PCYT1A: variants seen among roughly 807,000 people sequenced by gnomAD.
PCYT1A encodes the protein phosphate cytidylyltransferase 1A, choline.
In PCYT1A, 25 loss-of-function variants were observed where a neutral mutation model predicts 43.7. The observed-to-expected ratio is 0.57, with a 90% CI of 0.42 to 0.80. The LOEUF (loss-of-function observed/expected upper bound fraction) is 0.80, where lower values mean the gene tolerates loss of function less well. PCYT1A is among the 30% of genes least tolerant of loss of function. The pLI, the probability that PCYT1A is intolerant of heterozygous loss-of-function variation, is 0.00. For missense variants in PCYT1A, 421 were observed against 474.2 expected, an observed-to-expected ratio of 0.89 and a Z score of 1.04; for synonymous variants, 172 against 170.7, an observed-to-expected ratio of 1.01 and a Z score of -0.06.
rs111517721 is a variant in PCYT1A at position 196,238,444 on chromosome 3, T to TG, written c.*243dup. 61,869 of 321,178 alleles carry TG rather than the reference T, an allele frequency of 0.19. 4,096 individuals are homozygous for TG. Among genetic ancestry groups the TG allele is most frequent in the Middle Eastern group, 0.27 (327 of 1,214 alleles). 19.9% of individuals were successfully genotyped at this position (321,178 alleles called of 1,614,324 possible). A position where few individuals can be genotyped will look rare whatever the true frequency, so the allele number is the denominator to read the frequency against. ...AACATAAACAGTGAAACAAAGCCCTTGGGGGGGGGTAAATGGATGCAGAGC... is the reference window on the plus strand; with the variant it reads ...AACATAAACAGTGAAACAAAGCCCTTGGGGGGGGGGTAAATGGATGCAGAGC... On this transcript the variant is annotated 3_prime_UTR_variant, in exon 9 of 9. Transcript: ENST00000431016.
intron 1 of PCYT1A, among the ~76,000 whole-genome samples, chr3:196,278,139 C>T (rs1321355658): frequency 1.3e-5 from 2 of 152,068 alleles, no homozygotes; most frequent in East Asian, 1.9e-4. Flanking sequence ...AGGATGAGGG[C>T]GTACTGAAGA....
intron 3 of PCYT1A, among the ~76,000 whole-genome samples, chr3:196,248,626 C>T (rs1172347702): frequency 1.3e-5 from 2 of 152,106 alleles, no homozygotes; most frequent in Non-Finnish European, 2.9e-5. Flanking sequence ...CCAGCCTCAG[C>T]CTCCCAAAGT....
Position 196,273,831 on chromosome 3 carries a change from C to T in PCYT1A, c.-10-3290G>A, listed in dbSNP as rs1477158097. Among the ~76,000 whole-genome samples the T allele has an allele frequency of 2.0e-5, 3 of 152,236 alleles. No individual in the cohort carries two copies. The highest frequency in any genetic ancestry group is 4.4e-5 in the Non-Finnish European group (3 of 68,044). On this transcript the variant is annotated intron_variant, in intron 1 of 8. Transcript: ENST00000431016. The surrounding 1 kb of genome is among the most constrained non-coding windows in gnomAD (Gnocchi z 4.1). Reference sequence around the variant, plus strand: ...CAGAACTGGCAGCCTGGGCCCCAGGCTTCAGGCCATCCCTGGCTTGAAGGT... The same window carrying T: ...CAGAACTGGCAGCCTGGGCCCCAGGTTTCAGGCCATCCCTGGCTTGAAGGT...
Position 196,252,173 on chromosome 3 carries a change from C to T in PCYT1A, c.218-3850G>A, listed in dbSNP as rs1724824748. Among the ~76,000 whole-genome samples the T allele has an allele frequency of 6.6e-6, 1 of 152,244 alleles. No homozygotes were observed. ...GCCACGCCCCACTGGCTACAGCGCA[C>T]ACCACTACGCTCAGCTGATTTTTGT... On this transcript the variant is annotated intron_variant, in intron 3 of 8. Transcript: ENST00000431016. The surrounding 1 kb of genome is among the most constrained non-coding windows in gnomAD (Gnocchi z 4.0).
intron 1 of PCYT1A, among the ~76,000 whole-genome samples, chr3:196,286,063 T>TG (rs200275394): frequency 0.039 from 2,565 of 66,348 alleles, 31 homozygotes; most frequent in Non-Finnish European, 0.058. Context: ...CACTGTCCCT[T>TG]TTTTTTTTTT....
At position 196,239,742 on chromosome 3, in the gene PCYT1A, A is replaced by T; in HGVS notation, c.709-7T>A. Reference sequence around the variant, plus strand: ...GCAAGTGGTATTTCTTCTCCTAGATAAAGAAATAACTCTTCTGAGAAATAA... The same window carrying T: ...GCAAGTGGTATTTCTTCTCCTAGATTAAGAAATAACTCTTCTGAGAAATAA... On this transcript the variant is annotated splice_polypyrimidine_tract_variant and splice_region_variant and intron_variant, in intron 7 of 8. Transcript: ENST00000431016. The T allele has an allele frequency of 1.9e-6, 3 of 1,572,654 alleles. No homozygotes were observed. The highest frequency in any genetic ancestry group is 2.6e-6 in the Non-Finnish European group (3 of 1,142,802).
intron 2 of PCYT1A, among the ~76,000 whole-genome samples, chr3:196,258,097 T>C (rs1320999493): frequency 6.6e-6 from 1 of 152,024 alleles, no homozygotes; most frequent in Non-Finnish European, 1.5e-5. Flanking sequence ...CAATCCTGGC[T>C]AACATGGTGA....
intron 2 of PCYT1A, among the ~76,000 whole-genome samples, chr3:196,261,212 C>T (rs977634159): frequency 4.6e-5 from 7 of 152,134 alleles, no homozygotes; most frequent in African/African-American, 1.7e-4. Context: ...CTAATGAATA[C>T]AGGGGGTTTC....
At chr3:196,283,346 TAGAA>T (rs996062454) in intron 1 of PCYT1A, 100 of 151,632 alleles carry the variant, frequency 6.6e-4, no homozygotes, top group African/African-American at 2.2e-3. Flanking sequence ...AATAAATAAA[TAGAA>T]AGAAAGGAGG....
intron 3 of PCYT1A, 90 bp downstream of exon 3, chr3:196,257,698 C>G: frequency 2.6e-6 from 2 of 781,610 alleles, no homozygotes; most frequent in Non-Finnish European, 4.4e-6. Flanking sequence ...AAACAGAGGG[C>G]AGTATATAGA....
rs371622717 is a variant in PCYT1A, at chr3:196,251,119, C to T, written c.218-2796G>A. On this transcript the variant is annotated intron_variant, in intron 3 of 8. Coordinates refer to ENST00000431016, the MANE Select transcript of PCYT1A (RefSeq NM_001312673.2). ...CCATGCTGAGGCTGAGGATCAGATA[C>T]ACCATGCTGAGGCTGAGGACCAGAT... Among the ~76,000 whole-genome samples the T allele has an allele frequency of 3.3e-5, 5 of 151,394 alleles. No individual in the cohort carries two copies. In the East Asian group the frequency reaches 9.7e-4, roughly 29 times the overall value.
Position 196,242,145 on chromosome 3 carries a change from T to A in PCYT1A, c.566-55A>T. 1.3e-6 allele frequency: 2 copies of A among 1,576,650 alleles called. No individual in the cohort carries two copies. The highest frequency in any genetic ancestry group is 2.2e-5 in the South Asian group (2 of 89,928). Reference sequence around the variant, plus strand: ...TGTGAGGTTCTGGTTAGCTCAGGTATTAAGACTAAATGGAAATTGGGGGCA... The same window carrying A: ...TGTGAGGTTCTGGTTAGCTCAGGTAATAAGACTAAATGGAAATTGGGGGCA... On this transcript the variant is annotated intron_variant, in intron 6 of 8. Transcript: ENST00000431016. The surrounding 1 kb of genome is among the most constrained non-coding windows in gnomAD (Gnocchi z 4.2).
Position 196,242,954 on chromosome 3 carries a change from G to A in PCYT1A, c.487-314C>T, listed in dbSNP as rs992719149. 4 of 330,784 alleles carry A rather than the reference G, an allele frequency of 1.2e-5. No homozygotes were observed. Among genetic ancestry groups the A allele is most frequent in the South Asian group, 3.5e-5 (1 of 28,642 alleles). The allele number at this position is 330,784 out of a possible 1,614,324, so 20.5% of individuals were successfully genotyped here. A position where few individuals can be genotyped will look rare whatever the true frequency, so the allele number is the denominator to read the frequency against. ...GGGCCAGAGGGTTTGCTGGTGAACC[G>A]GTTAGTGGGTGGAGCCTAGGAAAGA... On this transcript the variant is annotated intron_variant, in intron 5 of 8. Transcript: ENST00000431016. The surrounding 1 kb of genome is among the most constrained non-coding windows in gnomAD (Gnocchi z 4.2).
chr3:196,262,186 G>A (rs1362729533), intron 2 of PCYT1A, among the ~76,000 whole-genome samples: 1 of 152,120 alleles, frequency 6.6e-6, no homozygotes, highest in African/African-American at 2.4e-5. Context: ...AGACTATCTG[G>A]TAGTGAGGTA....
At chr3:196,253,019 A>G (rs960383188) in intron 3 of PCYT1A, among the ~76,000 whole-genome samples, 8 of 152,266 alleles carry the variant, frequency 5.3e-5, no homozygotes, top group Middle Eastern at 3.4e-3. Context: ...CATTGGCTCT[A>G]TGCCTATTAA....
At position 196,243,605 on chromosome 3, in the gene PCYT1A, C is replaced by T. The variant is rs955438574; in HGVS notation, c.487-965G>A. On this transcript the variant is annotated intron_variant, in intron 5 of 8. Coordinates refer to ENST00000431016, the MANE Select transcript of PCYT1A (RefSeq NM_001312673.2). ...CCGAGCGGAAGCTGGACTGTACTGCCGCCATCTCTGCTCACTGCAACCTCC... is the reference window on the plus strand; with the variant it reads ...CCGAGCGGAAGCTGGACTGTACTGCTGCCATCTCTGCTCACTGCAACCTCC... Among the ~76,000 whole-genome samples the T allele has an allele frequency of 1.5e-4, 23 of 152,304 alleles. 1 individual carries two copies. Among genetic ancestry groups the T allele is most frequent in the South Asian group, 2.1e-4 (1 of 4,830 alleles).
At chr3:196,244,490 C>A (rs189398390) in intron 5 of PCYT1A, among the ~76,000 whole-genome samples, 1,627 of 149,284 alleles carry the variant, frequency 0.011, 15 homozygotes, top group African/African-American at 0.038. Context: ...CGTCTCCGCC[C>A]GGCAGCCACC....
rs565279111 is a variant in PCYT1A, at chr3:196,281,311, A to G, written c.-11+6304T>C. ...ACACTCAGGTCTTTCTGGAGATAAC[A>G]GTGTAAGGACATTGCCCCCTATGTA... On this transcript the variant is annotated intron_variant, in intron 1 of 8. Coordinates refer to ENST00000431016, the MANE Select transcript of PCYT1A (RefSeq NM_001312673.2). Among the ~76,000 whole-genome samples the G allele has an allele frequency of 1.8e-4, 28 of 152,356 alleles. No individual in the cohort carries two copies. In the East Asian group the frequency reaches 5.4e-3, roughly 29 times the overall value.
chr3:196,246,534 C>T (rs1436570505), intron 5 of PCYT1A, among the ~76,000 whole-genome samples: 2 of 152,126 alleles, frequency 1.3e-5, no homozygotes, highest in Admixed American at 6.5e-5. Flanking sequence ...CTGCACCTGG[C>T]TGAAATCTGT....
Sources: allele counts gnomAD v4.1 joint callset (sites outside exome capture counted in the v4.1 genomes callset), GRCh38; gene constraint gnomAD v4.1.1; non-coding constraint Gnocchi (gnomAD v3.1); transcripts MANE v1.5; gene names NCBI Gene and HGNC (gene_info 2026-07-23, HGNC 2026-07-21).